The following DDX55 variants were observed in gnomAD, a reference collection of about 807,000 sequenced individuals.
DDX55 encodes DEAD-box helicase 55.
Under a neutral mutation model 69.2 loss-of-function variants are expected in DDX55, and 56 were observed. That is an observed-to-expected ratio of 0.81 (90% CI 0.65 to 1.01). The LOEUF (loss-of-function observed/expected upper bound fraction) is 1.01, where lower values mean the gene tolerates loss of function less well. Among genes scored for constraint, DDX55 ranks in the 50% least tolerant of loss-of-function variants. DDX55 has a pLI of 0.00. For synonymous variants in DDX55, 268 were observed against 273.1 expected (o/e 0.98, Z 0.18); for missense variants, 720 against 745.1 (o/e 0.97, Z 0.39).
At chr12:123,611,084 A>G (rs1351865180) in intron 7 of DDX55, among the ~76,000 whole-genome samples, 2 of 151,312 alleles carry the variant, frequency 1.3e-5, no homozygotes, top group African/African-American at 4.9e-5. Flanking sequence ...TATCTTTAGT[A>G]GAGGTGGGGT....
In DDX55 at chr12:123,604,650, AAC is replaced by A. The variant is rs577731402; in HGVS notation, c.109-1276_109-1275del. ...TCAAAGTGTACTCTGAGTATCAAAT[AAC>A]ACACTAGATTTTGAAGACCTAGTAT... On this transcript the variant is annotated intron_variant, in intron 1 of 13. Transcript: ENST00000238146. 5.3e-4 allele frequency among the ~76,000 whole-genome samples: 81 copies of A among 152,308 alleles called. 1 individual carries two copies. In the East Asian group the frequency reaches 0.013, roughly 24 times the overall value.
chr12:123,613,286 G>A, intron 8 of DDX55, 34 bp downstream of exon 8: 1 of 1,605,580 alleles, frequency 6.2e-7, no homozygotes. Context: ...GAGGCATCAG[G>A]GATTCAGCCA....
At chr12:123,614,970 G>A (rs892700641) in intron 8 of DDX55, among the ~76,000 whole-genome samples, 1 of 152,038 alleles carries the variant, frequency 6.6e-6, no homozygotes, top group Non-Finnish European at 1.5e-5. Flanking sequence ...CATGTTTAAG[G>A]GATTTTGTCA....
rs763263840 is a variant in DDX55 at position 123,616,587 on chromosome 12, C to T, written c.1033C>T (p.Pro345Ser). The change falls in exon 10 of 14, where the codon CCT becomes TCT. Residue 345 changes from proline (P) to serine (S), a missense_variant. Pro to Ser is a moderately conservative substitution (Grantham distance 74). Coordinates refer to ENST00000238146, the MANE Select transcript of DDX55 (RefSeq NM_020936.3). The stretch of plus-strand genomic sequence containing the variant: ...AGTCAACTGGGTTTTGCAGTATGAC[C>T]CTCCCAGCAATGCAAGGTATGGTAC... ...PEVNWVLQYD[P>S]PSNASAFVHR... 6.2e-7 allele frequency: 1 copy of T among 1,614,038 alleles called. No individual in the cohort carries two copies. The highest frequency in any genetic ancestry group is 1.7e-5 in the Admixed American group (1 of 60,006).
At chr12:123,612,240 C>T (rs1262774297) in intron 7 of DDX55, among the ~76,000 whole-genome samples, 2 of 152,300 alleles carry the variant, frequency 1.3e-5, no homozygotes, top group East Asian at 1.9e-4. Context: ...AAAAACACTT[C>T]GGGTCCTAAG....
chr12:123,609,590 C>G (rs1288093401), intron 6 of DDX55, among the ~76,000 whole-genome samples: 1 of 151,658 alleles, frequency 6.6e-6, no homozygotes, highest in African/African-American at 2.4e-5. Flanking sequence ...CCAGGTTGGT[C>G]TCAAACTCCT....
rs763233912 is a variant in DDX55, at chr12:123,607,528, A to C, written c.338+5A>C. ...GAAGCACTTCCCCGAGTTCAGGTGA[A>C]TTGGATGCAGTGTCCCTGTTAGTCA... On this transcript the variant is annotated splice_donor_5th_base_variant and intron_variant, in intron 4 of 13. Transcript: ENST00000238146. 6.2e-7 allele frequency: 1 copy of C among 1,614,178 alleles called. No homozygotes were observed. Among genetic ancestry groups the C allele is most frequent in the African/African-American group, 1.3e-5 (1 of 75,036 alleles).
rs536037670 is a variant in DDX55, at chr12:123,615,818, A to C, written c.956+502A>C. Among the ~76,000 whole-genome samples the C allele has an allele frequency of 5.3e-5, 8 of 152,326 alleles. No individual in the cohort carries two copies. In the East Asian group the frequency reaches 1.4e-3, roughly 26 times the overall value. On this transcript the variant is annotated intron_variant, in intron 9 of 13. Transcript: ENST00000238146. The stretch of plus-strand genomic sequence containing the variant: ...GCTAACGTGGTGAAACCCTGTCTCT[A>C]CTAAAAACAAAAAATTAGTCGGGCA...
At chr12:123,604,821 A>G (rs990791991) in intron 1 of DDX55, 12 of 152,194 alleles carry the variant, frequency 7.9e-5, no homozygotes, top group Admixed American at 7.2e-4. Flanking sequence ...TAGAAAATTT[A>G]AAATTGTTTA....
chr12:123,605,871 G>C (rs749913805), intron 1 of DDX55, 60 bp from the exon 2 acceptor site: 2 of 1,611,548 alleles, frequency 1.2e-6, no homozygotes, highest in Admixed American at 1.7e-5. Flanking sequence ...CTAGGGCTTC[G>C]GGTCTCACCT....
chr12:123,615,062 A>G, intron 8 of DDX55, 123 bp from the exon 9 acceptor site: 2 of 1,332,488 alleles, frequency 1.5e-6, no homozygotes, highest in Admixed American at 2.1e-5. Flanking sequence ...TTTCCTTGTC[A>G]TTCCCCTAGG....
At chr12:123,613,713 A>AG (rs888557903) in intron 8 of DDX55, among the ~76,000 whole-genome samples, 128 of 152,312 alleles carry the variant, frequency 8.4e-4, no homozygotes, top group African/African-American at 3.0e-3. Flanking sequence ...AATTCATCTT[A>AG]GGGGCCAAAA....
rs1328628145 is a variant in DDX55, at chr12:123,620,617, T to TATA, written c.*478_*480dup. ...ATATATATATATATATATATATATATATATATATATAAGCTCTTTTTTCTG... is the reference window on the plus strand; with the variant it reads ...ATATATATATATATATATATATATATATAATATATATATAAGCTCTTTTTTCTG... On this transcript the variant is annotated 3_prime_UTR_variant, in exon 14 of 14. Coordinates refer to ENST00000238146, the MANE Select transcript of DDX55 (RefSeq NM_020936.3). 1 of 122,808 alleles carries TATA rather than the reference T, an allele frequency of 8.1e-6. No individual in the cohort carries two copies. Among genetic ancestry groups the TATA allele is most frequent in the Non-Finnish European group, 1.7e-5 (1 of 60,272 alleles). The allele number at this position is 122,808 out of a possible 1,614,324, so 7.6% of individuals were successfully genotyped here.
At chr12:123,618,347 G>T in intron 11 of DDX55, 1 of 627,220 alleles carries the variant, frequency 1.6e-6, no homozygotes, top group Non-Finnish European at 2.9e-6. Flanking sequence ...AGGCACCTCG[G>T]TCATGGAGTG....
At chr12:123,604,454 T>G (rs991909916) in intron 1 of DDX55, among the ~76,000 whole-genome samples, 6 of 152,138 alleles carry the variant, frequency 3.9e-5, no homozygotes. Flanking sequence ...GAGAATGTAT[T>G]TCCAGCAGGC....
chr12:123,606,654 G>C lies in DDX55; in HGVS notation c.246+495G>C, dbSNP rs142952389. ...CACCCAGGCTGGAGTGCAGTGGTGTGATCTCATCTCACTGCAACCTCCACC... is the reference window on the plus strand; with the variant it reads ...CACCCAGGCTGGAGTGCAGTGGTGTCATCTCATCTCACTGCAACCTCCACC... On this transcript the variant is annotated intron_variant, in intron 3 of 13. Coordinates refer to ENST00000238146, the MANE Select transcript of DDX55 (RefSeq NM_020936.3). Among the ~76,000 whole-genome samples, 288 of 148,872 alleles carry C rather than the reference G, an allele frequency of 1.9e-3. 4 individuals are homozygous for C. The highest frequency in any genetic ancestry group is 0.016 in the South Asian group (74 of 4,704).
chr12:123,610,561 G>A (rs558343348), intron 7 of DDX55, among the ~76,000 whole-genome samples: 13 of 149,932 alleles, frequency 8.7e-5, no homozygotes, highest in African/African-American at 3.2e-4. Flanking sequence ...GTTCTGCTCC[G>A]TAAATGTTGT....
chr12:123,619,207 G>T (rs1954951645), intron 12 of DDX55, among the ~76,000 whole-genome samples: 1 of 152,174 alleles, frequency 6.6e-6, no homozygotes, highest in Non-Finnish European at 1.5e-5. Context: ...GTTTCACCGT[G>T]TTAGCCAGGA....
At chr12:123,608,302 T>C (rs1206420660) in intron 5 of DDX55, 3 of 173,846 alleles carry the variant, frequency 1.7e-5, no homozygotes, top group Non-Finnish European at 2.5e-5. Flanking sequence ...GTAAATGTTT[T>C]CGGCTTTGTG....
Sources: allele counts gnomAD v4.1 joint callset (sites outside exome capture counted in the v4.1 genomes callset), GRCh38; gene constraint gnomAD v4.1.1; transcripts MANE v1.5; gene names NCBI Gene and HGNC (gene_info 2026-07-23, HGNC 2026-07-21).